The following PITPNC1 variants were observed in gnomAD, a reference collection of about 807,000 sequenced individuals.
PITPNC1 encodes the protein cytoplasmic phosphatidylinositol transfer protein 1.
A neutral mutation model predicts 44.7 loss-of-function variants in PITPNC1; 18 were observed. That is an observed-to-expected ratio of 0.40 (90% CI 0.28 to 0.60). The LOEUF is 0.60. PITPNC1 is among the 20% of genes least tolerant of loss of function. The pLI is 0.39. For missense variants in PITPNC1, 290 were observed against 418.4 expected, an observed-to-expected ratio of 0.69 and a Z score of 2.68; for synonymous variants, 141 against 149.6, an observed-to-expected ratio of 0.94 and a Z score of 0.42.
intron 5 of PITPNC1, among the ~76,000 whole-genome samples, chr17:67,625,768 A>G (rs1331367641): frequency 2.6e-5 from 4 of 152,002 alleles, no homozygotes; most frequent in African/African-American, 9.7e-5. Flanking sequence ...CGCAGAGGCC[A>G]CTCTTAACAC....
chr17:67,419,082 T>C (rs934410712), intron 1 of PITPNC1, among the ~76,000 whole-genome samples: 9 of 152,068 alleles, frequency 5.9e-5, no homozygotes, highest in African/African-American at 2.2e-4. Flanking sequence ...CAGCAACCTG[T>C]TGGTCCAGAT....
intron 1 of PITPNC1, among the ~76,000 whole-genome samples, chr17:67,431,034 T>C (rs1181387238): frequency 6.6e-6 from 1 of 151,128 alleles, no homozygotes; most frequent in Non-Finnish European, 1.5e-5. Flanking sequence ...ACTATTTCTT[T>C]AATTTTTACT....
chr17:67,420,172 C>G (rs1474577394), intron 1 of PITPNC1, among the ~76,000 whole-genome samples: 2 of 152,132 alleles, frequency 1.3e-5, no homozygotes, highest in Non-Finnish European at 2.9e-5. Context: ...ATTAGTGAGT[C>G]TTTTCATGAC....
intron 1 of PITPNC1, among the ~76,000 whole-genome samples, chr17:67,404,632 A>C (rs1456110909): frequency 6.6e-6 from 1 of 152,260 alleles, no homozygotes; most frequent in East Asian, 1.9e-4. Flanking sequence ...AAGCAGACTT[A>C]TAAAAGGGAG....
chr17:67,419,490 G>A (rs922924858), intron 1 of PITPNC1, among the ~76,000 whole-genome samples: 3 of 152,214 alleles, frequency 2.0e-5, no homozygotes, highest in South Asian at 2.1e-4. Context: ...GAGCTGGCCC[G>A]TCTTCCCTAC....
chr17:67,380,198 C>G (rs1028971551), intron 1 of PITPNC1, among the ~76,000 whole-genome samples: 1 of 152,080 alleles, frequency 6.6e-6, no homozygotes, highest in African/African-American at 2.4e-5. Flanking sequence ...CCTCAGCCTC[C>G]TGAGTAGCTG....
At chr17:67,500,543 T>C (rs2040011881) in intron 1 of PITPNC1, among the ~76,000 whole-genome samples, 2 of 152,232 alleles carry the variant, frequency 1.3e-5, no homozygotes, top group Non-Finnish European at 2.9e-5. Flanking sequence ...GAAAATGTTC[T>C]GAAATTAGAT....
intron 5 of PITPNC1, among the ~76,000 whole-genome samples, chr17:67,615,112 G>A (rs2041741059): frequency 6.6e-6 from 1 of 152,196 alleles, no homozygotes; most frequent in African/African-American, 2.4e-5. Context: ...CTGGGCAGCT[G>A]CCCTGGGGAG....
intron 1 of PITPNC1, among the ~76,000 whole-genome samples, chr17:67,387,912 C>G (rs565360809): frequency 6.6e-6 from 1 of 152,014 alleles, no homozygotes; most frequent in African/African-American, 2.4e-5. Flanking sequence ...GTGTATTTTC[C>G]GTGGACACGC....
At chr17:67,480,901 T>C (rs536137765) in intron 1 of PITPNC1, among the ~76,000 whole-genome samples, 1 of 152,268 alleles carries the variant, frequency 6.6e-6, no homozygotes, top group Non-Finnish European at 1.5e-5. Flanking sequence ...CCAACAACAT[T>C]GTGACTTAAA....
chr17:67,580,294 A>G (rs2041211870), intron 5 of PITPNC1, among the ~76,000 whole-genome samples: 1 of 152,206 alleles, frequency 6.6e-6, no homozygotes, highest in Non-Finnish European at 1.5e-5. Context: ...AAAGGATAAT[A>G]AAGTTCAGTT....
intron 1 of PITPNC1, among the ~76,000 whole-genome samples, chr17:67,434,067 A>G (rs2038897830): frequency 1.3e-5 from 2 of 152,152 alleles, no homozygotes; most frequent in South Asian, 4.1e-4. Flanking sequence ...GGTGAAGAGG[A>G]GCAAGGCCAG....
chr17:67,504,538 C>T (rs934428916), intron 1 of PITPNC1, among the ~76,000 whole-genome samples: 1 of 152,174 alleles, frequency 6.6e-6, no homozygotes, highest in Non-Finnish European at 1.5e-5. Flanking sequence ...CTCTAGAACC[C>T]GTACCTTCCT....
At chr17:67,622,336 C>T (rs962117127) in intron 5 of PITPNC1, among the ~76,000 whole-genome samples, 8 of 150,560 alleles carry the variant, frequency 5.3e-5, no homozygotes, top group Non-Finnish European at 1.0e-4. Context: ...TCTTAATGAC[C>T]ATGTAGAAGA....
intron 1 of PITPNC1, among the ~76,000 whole-genome samples, chr17:67,432,940 G>T (rs2038877601): frequency 6.6e-6 from 1 of 152,144 alleles, no homozygotes; most frequent in Non-Finnish European, 1.5e-5. Flanking sequence ...TTATATTCTG[G>T]AGGTGGGAGG....
Position 67,609,852 on chromosome 17 carries a change from A to G in PITPNC1, c.367-22291A>G, listed in dbSNP as rs558940040. The stretch of plus-strand genomic sequence containing the variant: ...TTTTGTACCCAAGCTTGGGCATTCC[A>G]TTTGGATGGTTTTACCTCTTAAATA... On this transcript the variant is annotated intron_variant, in intron 5 of 8. Transcript: ENST00000581322. 4.4e-4 allele frequency among the ~76,000 whole-genome samples: 66 copies of G among 151,330 alleles called. 1 individual carries two copies. Among genetic ancestry groups the G allele is most frequent in the Non-Finnish European group, 7.2e-4 (49 of 67,930 alleles).
chr17:67,466,203 G>A (rs1189773526), intron 1 of PITPNC1, among the ~76,000 whole-genome samples: 1 of 129,400 alleles, frequency 7.7e-6, no homozygotes, highest in African/African-American at 3.0e-5. Context: ...GGGGTGGGGG[G>A]GTGGGGGGGG....
chr17:67,588,478 C>T (rs1458487841), intron 5 of PITPNC1, among the ~76,000 whole-genome samples: 4 of 152,140 alleles, frequency 2.6e-5, no homozygotes, highest in African/African-American at 7.2e-5. Flanking sequence ...CATGAAATCT[C>T]ATACCGTCCT....
chr17:67,503,946 C>T (rs1171552164), intron 1 of PITPNC1, among the ~76,000 whole-genome samples: 2 of 152,102 alleles, frequency 1.3e-5, no homozygotes, highest in Non-Finnish European at 2.9e-5. Context: ...GTTCTATTCC[C>T]TTATTTTGCA....
Sources: gnomAD v4.1 joint callset for allele counts (sites outside exome capture counted in the v4.1 genomes callset) on GRCh38, gnomAD v4.1.1 for gene constraint, MANE v1.5 for transcripts, NCBI Gene and HGNC (gene_info 2026-07-23, HGNC 2026-07-21) for gene names.